The following CDC42BPB variants were observed in gnomAD, a reference collection of about 807,000 sequenced individuals.
CDC42BPB encodes the protein serine/threonine-protein kinase MRCK beta.
CDC42BPB carries 37 observed loss-of-function variants against 214.9 expected under a neutral mutation model. That is an observed-to-expected ratio of 0.17 (90% CI 0.13 to 0.23). The LOEUF (loss-of-function observed/expected upper bound fraction) is 0.23, where lower values mean the gene tolerates loss of function less well. Among genes scored for constraint, CDC42BPB ranks in the 10% least tolerant of loss-of-function variants. The pLI is 1.00. For missense variants in CDC42BPB, 1,694 were observed against 2,227.0 expected (o/e 0.76, Z 4.82); for synonymous variants, 931 against 884.0 (o/e 1.05, Z -0.94).
chr14:103,000,510 G>C (rs1894929623), intron 4 of CDC42BPB, among the ~76,000 whole-genome samples: 1 of 152,250 alleles, frequency 6.6e-6, no homozygotes, highest in African/African-American at 2.4e-5. Flanking sequence ...GCCAGAGTCA[G>C]GGTGGCAGCC....
At chr14:103,045,714 C>T (rs1395182855) in intron 1 of CDC42BPB, among the ~76,000 whole-genome samples, 1 of 152,170 alleles carries the variant, frequency 6.6e-6, no homozygotes, top group East Asian at 1.9e-4. Context: ...AACAGCAACA[C>T]ATCCAAATCA....
At chr14:102,937,583 C>T (rs1341839688) in intron 36 of CDC42BPB, among the ~76,000 whole-genome samples, 1 of 152,192 alleles carries the variant, frequency 6.6e-6, no homozygotes, top group Non-Finnish European at 1.5e-5. Flanking sequence ...CAGCTCCTCG[C>T]CTCCCTCGAC....
At chr14:103,056,654 C>A (rs1232746715) in intron 1 of CDC42BPB, among the ~76,000 whole-genome samples, 2 of 145,670 alleles carry the variant, frequency 1.4e-5, no homozygotes, top group African/African-American at 2.6e-5. Flanking sequence ...TAGGAAGCCG[C>A]CAGGGCGAGG....
chr14:103,047,955 G>T (rs1014932211), intron 1 of CDC42BPB, among the ~76,000 whole-genome samples: 16 of 150,708 alleles, frequency 1.1e-4, no homozygotes, highest in African/African-American at 3.4e-4. Context: ...CACCTCCGAT[G>T]AATTCTTTCT....
intron 1 of CDC42BPB, among the ~76,000 whole-genome samples, chr14:103,020,336 G>A (rs189287387): frequency 2.6e-5 from 4 of 152,282 alleles, no homozygotes; most frequent in Admixed American, 6.5e-5. Context: ...CACCCACAGC[G>A]TGGTTCTCTC....
chr14:102,954,173 C>T (rs761725527), intron 23 of CDC42BPB, 25 bp downstream of exon 23: 5 of 1,477,314 alleles, frequency 3.4e-6, no homozygotes, highest in South Asian at 2.4e-5. Context: ...TAAGAAGGCG[C>T]CCCGGGTGAA....
At chr14:102,986,714 A>G (rs912699811) in intron 5 of CDC42BPB, 134 bp from the exon 6 acceptor site, 324 of 1,365,074 alleles carry the variant, frequency 2.4e-4, no homozygotes, top group Non-Finnish European at 2.8e-4. Flanking sequence ...TCCAGTACAA[A>G]TGCCTCTGTG....
chr14:102,980,376 T>C (rs1893944084), intron 8 of CDC42BPB, among the ~76,000 whole-genome samples: 6 of 151,976 alleles, frequency 3.9e-5, no homozygotes. Flanking sequence ...GCCTGTAATC[T>C]CAGCTACTCG....
chr14:102,953,480 G>A (rs1434725562), intron 23 of CDC42BPB, among the ~76,000 whole-genome samples: 2 of 152,226 alleles, frequency 1.3e-5, no homozygotes, highest in Non-Finnish European at 2.9e-5. Flanking sequence ...TAGAAGTTTG[G>A]CTTCTTACGT....
rs183740835 is a variant in CDC42BPB at position 102,949,650 on chromosome 14, T to C, written c.3449+115A>G. On this transcript the variant is annotated intron_variant, in intron 26 of 36. Transcript: ENST00000361246. ...ACCCATTTTTGCAACCATACAATAA[T>C]GAAGCAGGTGAAGTACTAATGAGGT... 62 of 1,348,932 alleles carry C rather than the reference T, an allele frequency of 4.6e-5. 1 individual carries two copies. Among genetic ancestry groups the C allele is most frequent in the Admixed American group, 3.8e-4 (19 of 50,140 alleles). 83.6% of individuals were successfully genotyped at this position (1,348,932 alleles called of 1,614,324 possible).
intron 36 of CDC42BPB, among the ~76,000 whole-genome samples, chr14:102,934,703 C>G (rs769436559): frequency 1.3e-5 from 2 of 152,004 alleles, no homozygotes; most frequent in African/African-American, 2.4e-5. Context: ...TGGTGAGAGA[C>G]AAAATTTTCC....
chr14:103,014,380 T>C (rs778817299), intron 1 of CDC42BPB, among the ~76,000 whole-genome samples: 1 of 152,188 alleles, frequency 6.6e-6, no homozygotes, highest in Non-Finnish European at 1.5e-5. Flanking sequence ...TCTGCATGTT[T>C]TATGCTAGGT....
rs184456888 is a variant in CDC42BPB, at chr14:102,940,684, G to C, written c.4409-360C>G. On this transcript the variant is annotated intron_variant, in intron 30 of 36. Transcript: ENST00000361246. ...GCTCAACACTTTGGAAATTCAGGTA[G>C]GGGCCGACTGTTCAGTATGGTGAGG... The C allele has an allele frequency of 3.0e-5, 10 of 334,858 alleles. No individual in the cohort carries two copies. In the East Asian group the frequency reaches 7.2e-4, roughly 24 times the overall value. 20.7% of individuals were successfully genotyped at this position (334,858 alleles called of 1,614,324 possible). A position where few individuals can be genotyped will look rare whatever the true frequency, so the allele number is the denominator to read the frequency against.
intron 12 of CDC42BPB, chr14:102,972,380 A>C (rs1044781985): frequency 3.1e-5 from 30 of 952,622 alleles, no homozygotes; most frequent in Non-Finnish European, 3.6e-5. Context: ...GCTGAGACCA[A>C]CTGCACACCA....
At chr14:102,983,524 A>AT (rs778845086) in intron 7 of CDC42BPB, 32 bp downstream of exon 7, 3,091 of 1,559,846 alleles carry the variant, frequency 2.0e-3, no homozygotes, top group Non-Finnish European at 2.2e-3. Context: ...TGAGCCAGGT[A>AT]CCAAAAAAAA....
chr14:102,948,628 G>T (rs1482001063), intron 26 of CDC42BPB, among the ~76,000 whole-genome samples: 1 of 76,652 alleles, frequency 1.3e-5, no homozygotes, highest in Non-Finnish European at 2.6e-5. Context: ...GGTGGCTGTG[G>T]AGAGGGGGAG....
chr14:103,055,853 TA>T (rs774482651), intron 1 of CDC42BPB, among the ~76,000 whole-genome samples: 9 of 152,252 alleles, frequency 5.9e-5, no homozygotes, highest in Non-Finnish European at 1.2e-4. Flanking sequence ...ATATCAGCTT[TA>T]TCAGCCCCAA....
At chr14:102,940,414 A>G in intron 30 of CDC42BPB, 90 bp from the exon 31 acceptor site, 3 of 1,540,206 alleles carry the variant, frequency 1.9e-6, no homozygotes, top group Middle Eastern at 2.1e-4. Context: ...GCACTTGAAC[A>G]AGTGCAGAGG....
In CDC42BPB at chr14:102,972,254, G is replaced by A. The variant is rs574589148; in HGVS notation, c.1642-93C>T. ...CTTCCATGATATTGAGGAGTTAAAA[G>A]CGACAGCCAATGCTGGTTACAGATT... On this transcript the variant is annotated intron_variant, in intron 12 of 36. Coordinates refer to ENST00000361246, the MANE Select transcript of CDC42BPB (RefSeq NM_006035.4). The A allele has an allele frequency of 5.7e-5, 88 of 1,552,408 alleles. No individual in the cohort carries two copies. The African/African-American group carries it at 1.0e-3, about 18-fold the overall frequency.
Sources: allele counts gnomAD v4.1 joint callset (sites outside exome capture counted in the v4.1 genomes callset), GRCh38; gene constraint gnomAD v4.1.1; transcripts MANE v1.5; gene names NCBI Gene and HGNC (gene_info 2026-07-23, HGNC 2026-07-21).